Variants in NXPE2 observed in about 807,000 individuals in gnomAD.
The protein encoded by NXPE2 is NXPE family member 2.
In NXPE2, 34 loss-of-function variants were observed where a neutral mutation model predicts 34.4. The observed-to-expected ratio is 0.99, with a 90% CI of 0.75 to 1.31. The LOEUF (loss-of-function observed/expected upper bound fraction) is 1.31, where lower values mean the gene tolerates loss of function less well. Among genes scored for constraint, NXPE2 ranks in the 40% most tolerant of loss-of-function variants. The pLI is 0.00. For missense variants in NXPE2, 649 were observed against 672.5 expected, an observed-to-expected ratio of 0.97 and a Z score of 0.39; for synonymous variants, 235 against 231.3, an observed-to-expected ratio of 1.02 and a Z score of -0.15.
the NXPE2 span, among the ~76,000 whole-genome samples, chr11:114,640,098 A>T: frequency 3.3e-5 from 4 of 123,012 alleles, no homozygotes; most frequent in Non-Finnish European, 6.3e-5. Context: ...AATATAATAT[A>T]TGATTATATA....
chr11:114,778,658 C>T, the NXPE2 span, among the ~76,000 whole-genome samples: 4 of 152,150 alleles, frequency 2.6e-5, no homozygotes, highest in Non-Finnish European at 5.9e-5. Flanking sequence ...GAGTCTCCCC[C>T]AGAGCAGCTG....
chr11:114,571,046 A>G, the NXPE2 span: 1 of 1,613,618 alleles, frequency 6.2e-7, no homozygotes, highest in African/African-American at 1.3e-5. Flanking sequence ...CATCAATGAT[A>G]CTCACACTGA....
At chr11:114,476,638 AAGAG>A in the NXPE2 span, among the ~76,000 whole-genome samples, 4 of 151,938 alleles carry the variant, frequency 2.6e-5, no homozygotes, top group Admixed American at 6.6e-5. Flanking sequence ...ACAAGGTGGC[AAGAG>A]AGAGAGAGAG....
chr11:114,520,319 T>G, the NXPE2 span, among the ~76,000 whole-genome samples: 5 of 152,328 alleles, frequency 3.3e-5, no homozygotes, highest in Admixed American at 1.3e-4. Context: ...GTGTAGTTTT[T>G]AAGTTCCATA....
At chr11:114,626,788 G>A in the NXPE2 span, among the ~76,000 whole-genome samples, 30 of 152,222 alleles carry the variant, frequency 2.0e-4, no homozygotes, top group East Asian at 4.1e-3. Context: ...TTAGAATAAT[G>A]TATAACTAGA....
At chr11:114,678,415 G>A (rs1031295726), upstream of NXPE2, 242 of 582,658 alleles carry the variant, frequency 4.2e-4, no homozygotes, top group Middle Eastern at 9.1e-4. Context: ...ATCATAATAA[G>A]GGAGGTTTAT....
the NXPE2 span, among the ~76,000 whole-genome samples, chr11:114,649,038 T>C: frequency 6.6e-6 from 1 of 152,170 alleles, no homozygotes; most frequent in Non-Finnish European, 1.5e-5. Context: ...ACAGTCCTTG[T>C]TTATGTAACT....
the NXPE2 span, among the ~76,000 whole-genome samples, chr11:114,791,495 G>GTT: frequency 1.3e-5 from 2 of 152,190 alleles, no homozygotes; most frequent in Non-Finnish European, 2.9e-5. Context: ...ACTGGTAGTT[G>GTT]TAATTCAGGC....
chr11:114,617,014 A>G, the NXPE2 span, among the ~76,000 whole-genome samples: 1 of 151,880 alleles, frequency 6.6e-6, no homozygotes, highest in Non-Finnish European at 1.5e-5. Flanking sequence ...CTGGTGGATA[A>G]TAAGTATTTC....
At chr11:114,505,190 G>C in the NXPE2 span, among the ~76,000 whole-genome samples, 2 of 151,830 alleles carry the variant, frequency 1.3e-5, no homozygotes, top group Non-Finnish European at 2.9e-5. Flanking sequence ...GAAAAAAAAA[G>C]GAATGAACAA....
chr11:114,503,018 A>G, the NXPE2 span, among the ~76,000 whole-genome samples: 2 of 152,138 alleles, frequency 1.3e-5, no homozygotes, highest in Admixed American at 6.5e-5. Flanking sequence ...CTTGGCACCT[A>G]TGATTGGGCC....
the NXPE2 span, among the ~76,000 whole-genome samples, chr11:114,638,754 C>G: frequency 6.6e-6 from 1 of 152,008 alleles, no homozygotes; most frequent in Non-Finnish European, 1.5e-5. Flanking sequence ...GCCTGGGTAA[C>G]AGCAGCAGTG....
the NXPE2 span, among the ~76,000 whole-genome samples, chr11:114,562,397 A>G: frequency 2.0e-5 from 3 of 152,214 alleles, no homozygotes; most frequent in Non-Finnish European, 4.4e-5. Context: ...CAGTGCTTCC[A>G]TATGATATGT....
At chr11:114,636,633 A>G in the NXPE2 span, among the ~76,000 whole-genome samples, 1 of 151,982 alleles carries the variant, frequency 6.6e-6, no homozygotes. Context: ...CACTGCTTTG[A>G]ATGTGTCCCA....
At chr11:114,663,630 T>C in the NXPE2 span, among the ~76,000 whole-genome samples, 15 of 109,694 alleles carry the variant, frequency 1.4e-4, no homozygotes, top group East Asian at 5.8e-4. Context: ...TCTATCTATC[T>C]ATCTATCATC....
chr11:114,556,086 C>T, the NXPE2 span, among the ~76,000 whole-genome samples: 1 of 152,126 alleles, frequency 6.6e-6, no homozygotes, highest in African/African-American at 2.4e-5. Flanking sequence ...CTACAAAAAG[C>T]CTACTGGAAT....
chr11:114,624,895 G>A, the NXPE2 span, among the ~76,000 whole-genome samples: 1 of 151,994 alleles, frequency 6.6e-6, no homozygotes, highest in Non-Finnish European at 1.5e-5. Context: ...TGGATAATAA[G>A]TGTGGCCTCA....
the NXPE2 span, among the ~76,000 whole-genome samples, chr11:114,745,118 G>A: frequency 5.9e-5 from 9 of 152,126 alleles, no homozygotes; most frequent in Non-Finnish European, 1.0e-4. Flanking sequence ...AAAATTGTTT[G>A]ATGTATATTA....
the NXPE2 span, among the ~76,000 whole-genome samples, chr11:114,526,262 G>C: frequency 6.6e-6 from 1 of 152,154 alleles, no homozygotes; most frequent in African/African-American, 2.4e-5. Context: ...TGGACATCTG[G>C]ACTACAGACT....
Sources: gnomAD v4.1 joint callset for allele counts (sites outside exome capture counted in the v4.1 genomes callset) on GRCh38, gnomAD v4.1.1 for gene constraint, MANE v1.5 for transcripts, NCBI Gene and HGNC (gene_info 2026-07-23, HGNC 2026-07-21) for gene names.